Variants in ME3 observed in about 807,000 individuals in gnomAD.
ME3 encodes NADP-dependent malic enzyme, mitochondrial.
Under a neutral mutation model 68.9 loss-of-function variants are expected in ME3, and 48 were observed. The ratio of observed to expected loss-of-function variants is 0.70; its 90% CI spans 0.55 to 0.89. ME3 has a LOEUF of 0.89. ME3 is among the 40% of genes least tolerant of loss of function. ME3 has a pLI of 0.00. For synonymous variants in ME3, 320 were observed against 318.8 expected, an observed-to-expected ratio of 1.00 and a Z score of -0.04; for missense variants, 675 against 797.4, an observed-to-expected ratio of 0.85 and a Z score of 1.85.
At chr11:86,646,581 G>A (rs1195982020) in intron 2 of ME3, among the ~76,000 whole-genome samples, 1 of 152,194 alleles carries the variant, frequency 6.6e-6, no homozygotes, top group Non-Finnish European at 1.5e-5. Context: ...TTTGATTGGT[G>A]TACCTGAAAG....
rs80047426 is a variant in ME3 at position 86,547,965 on chromosome 11, C to T, written c.467+8588G>A. On this transcript the variant is annotated intron_variant, in intron 4 of 14. Coordinates refer to ENST00000543262, the Ensembl canonical transcript of ME3. ...AATGCCTTTGGCTAAAGGAAGTCAA[C>T]CCAGAACATCCTGTTCTAGTTAATA... Among the ~76,000 whole-genome samples, 532 of 152,292 alleles carry T rather than the reference C, an allele frequency of 3.5e-3. 3 individuals carry two copies. The highest frequency in any genetic ancestry group is 3.7e-3 in the Non-Finnish European group (251 of 68,032).
intron 2 of ME3, among the ~76,000 whole-genome samples, chr11:86,663,500 G>A (rs1427008485): frequency 6.6e-6 from 1 of 152,184 alleles, no homozygotes; most frequent in Non-Finnish European, 1.5e-5. Context: ...CTGCATCAGA[G>A]AGGCAGTCGG....
intron 2 of ME3, among the ~76,000 whole-genome samples, chr11:86,602,342 C>G (rs935121897): frequency 6.6e-6 from 1 of 151,568 alleles, no homozygotes; most frequent in African/African-American, 2.4e-5. Context: ...CGTGAGTCAA[C>G]TCCCATTCAC....
chr11:86,536,810 C>A (rs1215693927), intron 4 of ME3, among the ~76,000 whole-genome samples: 3 of 152,100 alleles, frequency 2.0e-5, no homozygotes, highest in Non-Finnish European at 4.4e-5. Flanking sequence ...GATTATAAAT[C>A]ATGCTGCTAT....
At chr11:86,647,664 C>T (rs1945115232) in intron 2 of ME3, among the ~76,000 whole-genome samples, 1 of 152,034 alleles carries the variant, frequency 6.6e-6, no homozygotes, top group South Asian at 2.1e-4. Flanking sequence ...CAAAGAAGGG[C>T]ATTACATAAT....
At position 86,490,988 on chromosome 11, in the gene ME3, A is replaced by G. The variant is rs894940558; in HGVS notation, c.706-3548T>C. ...CATAATGAGATACTGCTGAGATACA[A>G]GGGTGACTATAAAAAGCTTTTAAAA... On this transcript the variant is annotated intron_variant, in intron 6 of 14. Transcript: ENST00000543262. Among the ~76,000 whole-genome samples, 10 of 152,352 alleles carry G rather than the reference A, an allele frequency of 6.6e-5. No homozygotes were observed. The South Asian group carries it at 1.9e-3, about 28-fold the overall frequency.
At chr11:86,629,082 C>A (rs903598371) in intron 2 of ME3, among the ~76,000 whole-genome samples, 2 of 152,184 alleles carry the variant, frequency 1.3e-5, no homozygotes, top group African/African-American at 4.8e-5. Flanking sequence ...TCCTGCAAAA[C>A]CTAACTGGTG....
In ME3 at chr11:86,465,073, G is replaced by A. The variant is rs370463964; in HGVS notation, c.919+18C>T. 2.5e-6 allele frequency: 4 copies of A among 1,575,892 alleles called. No homozygotes were observed. In the African/African-American group the frequency reaches 5.4e-5, roughly 21 times the overall value. On this transcript the variant is annotated intron_variant, in intron 8 of 14. Coordinates refer to ENST00000543262, the Ensembl canonical transcript of ME3. ...AAGTTAGTCCCCTGTAGCTTCATCAGGTGGGGTGGAAACCTACCTTGGATG... is the reference window on the plus strand; with the variant it reads ...AAGTTAGTCCCCTGTAGCTTCATCAAGTGGGGTGGAAACCTACCTTGGATG...
At position 86,476,226 on chromosome 11, in the gene ME3, C is replaced by A. The variant is rs682501; in HGVS notation, c.810-11026G>T. On this transcript the variant is annotated intron_variant, in intron 7 of 14. Transcript: ENST00000543262. ...ACCTTGCCTGCTGTGGACCTATCTGCAGGCCTGAATGATGAGATGGAAACA... is the reference window on the plus strand; with the variant it reads ...ACCTTGCCTGCTGTGGACCTATCTGAAGGCCTGAATGATGAGATGGAAACA... 2.0e-5 allele frequency among the ~76,000 whole-genome samples: 3 copies of A among 152,216 alleles called. 1 individual carries two copies. The highest frequency in any genetic ancestry group is 7.2e-5 in the African/African-American group (3 of 41,530).
At chr11:86,484,835 CTG>C (rs1380078225) in intron 7 of ME3, among the ~76,000 whole-genome samples, 1 of 152,176 alleles carries the variant, frequency 6.6e-6, no homozygotes, top group Non-Finnish European at 1.5e-5. Context: ...CTGACAGGTA[CTG>C]TGTGACCTGA....
chr11:86,506,823 C>CA (rs779108199), intron 5 of ME3, among the ~76,000 whole-genome samples: 6 of 152,230 alleles, frequency 3.9e-5, no homozygotes, highest in Non-Finnish European at 7.3e-5. Context: ...CATATCCACT[C>CA]AGATTAGTCC....
chr11:86,513,836 G>C (rs1457307779), intron 4 of ME3, among the ~76,000 whole-genome samples: 1 of 144,896 alleles, frequency 6.9e-6, no homozygotes, highest in Admixed American at 7.0e-5. Flanking sequence ...AATGACCTCA[G>C]CAATGTATTT....
chr11:86,483,674 A>G (rs1311012209), intron 7 of ME3, among the ~76,000 whole-genome samples: 1 of 152,228 alleles, frequency 6.6e-6, no homozygotes, highest in African/African-American at 2.4e-5. Flanking sequence ...CTCTCATCTA[A>G]GCAGCTTAAG....
intron 7 of ME3, among the ~76,000 whole-genome samples, chr11:86,475,089 A>G (rs1040442720): frequency 3.9e-5 from 6 of 152,180 alleles, no homozygotes; most frequent in Non-Finnish European, 7.4e-5. Context: ...TTCTTTGTTG[A>G]TTTAGTTTGG....
intron 2 of ME3, among the ~76,000 whole-genome samples, chr11:86,574,352 C>T (rs568635467): frequency 7.4e-6 from 1 of 135,056 alleles, no homozygotes; most frequent in South Asian, 2.4e-4. Context: ...ATTTATCTAC[C>T]TTTGATCTTT....
chr11:86,521,394 C>T (rs1440717338), intron 4 of ME3, among the ~76,000 whole-genome samples: 3 of 118,514 alleles, frequency 2.5e-5, no homozygotes, highest in African/African-American at 3.6e-5. Context: ...GACTCCATCT[C>T]AAAAACAAAC....
At chr11:86,641,965 T>G (rs1944699094) in intron 2 of ME3, among the ~76,000 whole-genome samples, 1 of 152,202 alleles carries the variant, frequency 6.6e-6, no homozygotes, top group Admixed American at 6.5e-5. Flanking sequence ...TCCTGCAAGC[T>G]TCTGATTTTC....
chr11:86,658,278 C>T (rs1404786716), intron 2 of ME3, among the ~76,000 whole-genome samples: 1 of 151,924 alleles, frequency 6.6e-6, no homozygotes, highest in African/African-American at 2.4e-5. Flanking sequence ...CATGCGTCAC[C>T]AGCCCAGCTA....
At chr11:86,518,953 C>A (rs1034840723) in intron 4 of ME3, among the ~76,000 whole-genome samples, 1 of 152,158 alleles carries the variant, frequency 6.6e-6, no homozygotes, top group Non-Finnish European at 1.5e-5. Flanking sequence ...CTAGAAGGGG[C>A]GGCAAGGAGT....
Sources: gnomAD v4.1 joint callset for allele counts (sites outside exome capture counted in the v4.1 genomes callset) on GRCh38, gnomAD v4.1.1 for gene constraint, MANE v1.5 for transcripts, NCBI Gene and HGNC (gene_info 2026-07-23, HGNC 2026-07-21) for gene names.